The following CKM variants were observed in gnomAD, a reference collection of about 807,000 sequenced individuals.
The protein encoded by CKM is creatine kinase, M-type.
A neutral mutation model predicts 35.4 loss-of-function variants in CKM; 28 were observed. That is an observed-to-expected ratio of 0.79 (90% CI 0.59 to 1.08). CKM has a LOEUF of 1.08. Among genes scored for constraint, CKM ranks in the 50% least tolerant of loss-of-function variants. The pLI is 0.00. For synonymous variants in CKM, 215 were observed against 204.4 expected (o/e 1.05, Z -0.44); for missense variants, 484 against 509.8 (o/e 0.95, Z 0.49).
chr19:45,309,614 C>A (rs1350600780), intron 5 of CKM, among the ~76,000 whole-genome samples: 1 of 149,516 alleles, frequency 6.7e-6, no homozygotes, highest in Admixed American at 6.7e-5. Context: ...GTAATCCCAG[C>A]ACTTTGGGAG....
intron 5 of CKM, among the ~76,000 whole-genome samples, chr19:45,310,113 C>A: frequency 8.1e-6 from 1 of 123,838 alleles, no homozygotes. Context: ...ATACCAGGCA[C>A]TGCTTTTTTT....
Position 45,306,549 on chromosome 19 carries a change from A to T in CKM, c.*201T>A, listed in dbSNP as rs1971053097. The T allele has an allele frequency of 4.9e-6, 3 of 611,114 alleles. No individual in the cohort carries two copies. The highest frequency in any genetic ancestry group is 8.7e-6 in the Non-Finnish European group (3 of 344,418). The allele number at this position is 611,114 out of a possible 1,614,324, so 37.9% of individuals were successfully genotyped here. The stretch of plus-strand genomic sequence containing the variant: ...AAAAGAAGAGGACCCTGCCAGGGAG[A>T]TATTTCATTGGCCAGAATCCAGAGG... On this transcript the variant is annotated 3_prime_UTR_variant, in exon 8 of 8. Transcript: ENST00000221476. This position sits in a 1 kb window ranked among gnomAD's most constrained non-coding sequence, Gnocchi z 4.5.
At chr19:45,318,213 G>T (rs1453482763) in intron 2 of CKM, among the ~76,000 whole-genome samples, 1 of 152,104 alleles carries the variant, frequency 6.6e-6, no homozygotes, top group Non-Finnish European at 1.5e-5. Flanking sequence ...TGTGAGACCA[G>T]CCTGGCCAAC....
At chr19:45,321,050 G>A (rs1450329356) in intron 1 of CKM, among the ~76,000 whole-genome samples, 1 of 145,736 alleles carries the variant, frequency 6.9e-6, no homozygotes, top group Non-Finnish European at 1.5e-5. Flanking sequence ...ACAGGCGTGT[G>A]CCACACCTGG....
rs185267891 is a variant in CKM at position 45,307,515 on chromosome 19, G to A, written c.913C>T (p.His305Tyr). The A allele has an allele frequency of 6.2e-7, 1 of 1,614,034 alleles. No homozygotes were observed. ...GTGAGGATCTCCTCGAACTTGGGGT[G>A]CTTGCTCAGGTGCGCCAGCTTCACA... ...VHVKLAHLSK[H>Y]PKFEEILTRL... is the part of the protein sequence containing the mutation. Residue 305 changes from histidine to tyrosine, a missense_variant, in exon 7 of 8, where the codon CAC (histidine) becomes TAC (tyrosine). Transcript: ENST00000221476.
Position 45,311,819 on chromosome 19 carries a change from C to A in CKM, c.583G>T (p.Asp195Tyr). 6.2e-7 allele frequency: 1 copy of A among 1,612,360 alleles called. No individual in the cohort carries two copies. Among genetic ancestry groups the A allele is most frequent in the Non-Finnish European group, 8.5e-7 (1 of 1,179,370 alleles). Residue 195 changes from aspartate to tyrosine, a missense_variant, in exon 5 of 8, where the codon GAC becomes TAC. Asp to Tyr is a radical substitution (Grantham distance 160, BLOSUM62 -3). Transcript: ENST00000221476. ...QQLIDDHFLF[D>Y]KPVSPLLLAS... ...AGCAGCAGCGGGGACACGGGCTTGT[C>A]GAACAGGAAGTGGTCATCGATGAGC...
chr19:45,315,262 G>A (rs1439375944), intron 4 of CKM, among the ~76,000 whole-genome samples: 1 of 152,160 alleles, frequency 6.6e-6, no homozygotes. Context: ...CTTCTCAGGG[G>A]CCGTCGGGTC....
intron 5 of CKM, among the ~76,000 whole-genome samples, chr19:45,311,396 G>A (rs1007907824): frequency 1.3e-5 from 2 of 151,774 alleles, no homozygotes; most frequent in East Asian, 2.0e-4. Context: ...ACTACGCCCA[G>A]CTAAATTTTT....
chr19:45,306,996 G>T lies in CKM; in HGVS notation c.968-68C>A. On this transcript the variant is annotated intron_variant, in intron 7 of 7. Transcript: ENST00000221476. This position sits in a 1 kb window ranked among gnomAD's most constrained non-coding sequence, Gnocchi z 4.5. Reference sequence around the variant, plus strand: ...GCAGAGGGGCTGGGACGTGGCCCCCGTGCCAAATGCAACAGCCGCATGTAG... The same window carrying T: ...GCAGAGGGGCTGGGACGTGGCCCCCTTGCCAAATGCAACAGCCGCATGTAG... 5.2e-6 allele frequency: 8 copies of T among 1,534,882 alleles called. No individual in the cohort carries two copies. The highest frequency in any genetic ancestry group is 7.2e-6 in the Non-Finnish European group (8 of 1,117,184).
At position 45,319,507 on chromosome 19, in the gene CKM, C is replaced by G. The variant is rs767410954; in HGVS notation, c.193+14G>C. The G allele has an allele frequency of 5.0e-6, 8 of 1,610,972 alleles. No homozygotes were observed. In the African/African-American group the frequency reaches 9.4e-5, roughly 19 times the overall value. On this transcript the variant is annotated intron_variant, in intron 2 of 7. Transcript: ENST00000221476. ...CCCATGTAGCCCCTTCAGTGCTCCA[C>G]TGGGGAGGCTCACCTGGGTTGTCCA...
intron 5 of CKM, among the ~76,000 whole-genome samples, chr19:45,309,978 G>T (rs1292612187): frequency 2.6e-4 from 40 of 152,084 alleles, no homozygotes; most frequent in Admixed American, 2.5e-3. Flanking sequence ...TTCATCGATT[G>T]AAACCTAGGT....
chr19:45,312,071 C>T (rs1347205188), intron 4 of CKM, 151 bp from the exon 5 acceptor site: 3 of 866,318 alleles, frequency 3.5e-6, no homozygotes, highest in African/African-American at 3.3e-5. Flanking sequence ...TCTAAACCCA[C>T]ACTTGTGACG....
chr19:45,318,029 C>A (rs555903473), intron 2 of CKM, 50 bp from the exon 3 acceptor site: 10 of 1,583,998 alleles, frequency 6.3e-6, no homozygotes, highest in Non-Finnish European at 8.7e-6. Flanking sequence ...GCAAACAGGG[C>A]GTGGGCTTGT....
intron 5 of CKM, among the ~76,000 whole-genome samples, chr19:45,309,021 A>T (rs1332870295): frequency 6.6e-6 from 1 of 151,040 alleles, no homozygotes; most frequent in Non-Finnish European, 1.5e-5. Flanking sequence ...AGGTCAGGAG[A>T]TCGACACCAT....
chr19:45,306,588 G>A lies in CKM; in HGVS notation c.*162C>T. 1.4e-6 allele frequency: 1 copy of A among 718,170 alleles called. No individual in the cohort carries two copies. Among genetic ancestry groups the A allele is most frequent in the South Asian group, 1.6e-5 (1 of 60,840 alleles). The allele number at this position is 718,170 out of a possible 1,614,324, so 44.5% of individuals were successfully genotyped here. A position where few individuals can be genotyped will look rare whatever the true frequency, so the allele number is the denominator to read the frequency against. On this transcript the variant is annotated 3_prime_UTR_variant, in exon 8 of 8. Coordinates refer to ENST00000221476, the MANE Select transcript of CKM (RefSeq NM_001824.5). The surrounding 1 kb of genome is among the most constrained non-coding windows in gnomAD (Gnocchi z 4.5). The stretch of plus-strand genomic sequence containing the variant: ...AGAATCCAGAGGATGGAGCCCATTG[G>A]TTGGAACTCTGGTTGAAACTGGAAC...
chr19:45,317,476 G>A (rs569569278), intron 3 of CKM, among the ~76,000 whole-genome samples: 2 of 151,818 alleles, frequency 1.3e-5, no homozygotes, highest in South Asian at 2.1e-4. Flanking sequence ...TAGTAGAGAC[G>A]GGGTTTCACC....
intron 5 of CKM, among the ~76,000 whole-genome samples, chr19:45,309,152 C>T (rs929776967): frequency 6.7e-6 from 1 of 148,364 alleles, no homozygotes; most frequent in Admixed American, 6.9e-5. Flanking sequence ...GGCGAGAACC[C>T]GGGAGGTGGA....
chr19:45,322,221 C>T (rs905373054), intron 1 of CKM, among the ~76,000 whole-genome samples: 5 of 151,868 alleles, frequency 3.3e-5, no homozygotes, highest in Middle Eastern at 3.2e-3. Context: ...GTGACCCCCC[C>T]CACAAGAGAC....
chr19:45,315,231 C>A (rs2123139810), intron 4 of CKM, among the ~76,000 whole-genome samples: 1 of 152,318 alleles, frequency 6.6e-6, no homozygotes, highest in Non-Finnish European at 1.5e-5. Context: ...ACGCTGGGGG[C>A]AGCCAGGTGT....
Sources: allele counts gnomAD v4.1 joint callset (sites outside exome capture counted in the v4.1 genomes callset), GRCh38; gene constraint gnomAD v4.1.1; non-coding constraint Gnocchi (gnomAD v3.1); transcripts MANE v1.5; gene names NCBI Gene and HGNC (gene_info 2026-07-23, HGNC 2026-07-21).